The following SANBR variants were observed in gnomAD, a reference collection of about 807,000 sequenced individuals.
The protein encoded by SANBR is SANT and BTB domain regulator of CSR, also known as SANT and BTB domain regulator of class switch recombination.
In SANBR, 77 loss-of-function variants were observed where a neutral mutation model predicts 101.8. That is an observed-to-expected ratio of 0.76 (90% CI 0.63 to 0.91). The LOEUF is 0.91. SANBR is among the 40% of genes least tolerant of loss of function. SANBR has a pLI of 0.00. For missense variants in SANBR, 875 were observed against 853.0 expected, an observed-to-expected ratio of 1.03 and a Z score of -0.32; for synonymous variants, 279 against 274.7, an observed-to-expected ratio of 1.02 and a Z score of -0.15.
chr2:61,100,755 T>G (rs1683244210), intron 12 of SANBR, among the ~76,000 whole-genome samples: 1 of 152,126 alleles, frequency 6.6e-6, no homozygotes, highest in Admixed American at 6.5e-5. Context: ...TGAAATAGTA[T>G]TTTGAAAAAC....
chr2:61,092,382 C>T, intron 10 of SANBR, 82 bp from the exon 11 acceptor site: 1 of 1,109,190 alleles, frequency 9.0e-7, no homozygotes, highest in Non-Finnish European at 1.2e-6. Flanking sequence ...GAAACTCCAT[C>T]TCAAAGAAGA....
intron 16 of SANBR, among the ~76,000 whole-genome samples, chr2:61,112,985 C>A (rs746746786): frequency 6.6e-5 from 10 of 152,120 alleles, no homozygotes; most frequent in Non-Finnish European, 1.5e-4. Flanking sequence ...AGATTATGAT[C>A]CCATTCAGGT....
chr2:61,127,644 C>G (rs549762694), downstream of SANBR, among the ~76,000 whole-genome samples: 16 of 152,248 alleles, frequency 1.1e-4, no homozygotes, highest in Middle Eastern at 3.4e-3. Context: ...ATTTTTCCCA[C>G]CTTTTCCCCA....
chr2:61,078,464 C>G (rs1056464428), intron 6 of SANBR, among the ~76,000 whole-genome samples: 2 of 152,020 alleles, frequency 1.3e-5, no homozygotes, highest in Non-Finnish European at 2.9e-5. Flanking sequence ...TCTTGTCACC[C>G]AGGCTGGAGT....
At position 61,081,648 on chromosome 2, in the gene SANBR, A is replaced by G. The variant is rs1392197904; in HGVS notation, c.729+138A>G. 3.0e-6 allele frequency: 3 copies of G among 1,004,578 alleles called. No individual in the cohort carries two copies. In the African/African-American group the frequency reaches 5.1e-5, roughly 17 times the overall value. 62.2% of individuals were successfully genotyped at this position (1,004,578 alleles called of 1,614,324 possible). A position where few individuals can be genotyped will look rare whatever the true frequency, so the allele number is the denominator to read the frequency against. Reference sequence around the variant, plus strand: ...CAATTTAAAAAATTGTTAATTCAGGAATATAATTTCTTTTTCTTGAGACAG... The same window carrying G: ...CAATTTAAAAAATTGTTAATTCAGGGATATAATTTCTTTTTCTTGAGACAG... On this transcript the variant is annotated intron_variant, in intron 7 of 21. Coordinates refer to ENST00000402291, the MANE Select transcript of SANBR (RefSeq NM_001129993.3).
intron 1 of SANBR, chr2:61,066,355 C>T (rs1363655947): frequency 1.3e-5 from 2 of 152,490 alleles, no homozygotes; most frequent in Admixed American, 1.3e-4. Context: ...CGCCTTTGTC[C>T]GCTCTGCGCC....
At chr2:61,110,584 T>A (rs1683782937) in intron 16 of SANBR, among the ~76,000 whole-genome samples, 1 of 151,664 alleles carries the variant, frequency 6.6e-6, no homozygotes, top group Admixed American at 6.6e-5. Flanking sequence ...GAGGCTGAGG[T>A]GGGAGAACTG....
chr2:61,095,365 T>C (rs1042350772), intron 11 of SANBR, among the ~76,000 whole-genome samples: 4 of 152,352 alleles, frequency 2.6e-5, no homozygotes, highest in Admixed American at 6.5e-5. Flanking sequence ...GTGCACCTTA[T>C]AGTTTTTATA....
chr2:61,135,929 A>G (rs945494460), intron 21 of SANBR, among the ~76,000 whole-genome samples: 2 of 152,224 alleles, frequency 1.3e-5, no homozygotes, highest in Non-Finnish European at 2.9e-5. Context: ...ATGCTTTTGT[A>G]TATTAATAAC....
chr2:61,109,227 G>A lies in SANBR; in HGVS notation c.1675G>A (p.Glu559Lys). The change falls in exon 16 of 22, where the codon GAA becomes AAA. Residue 559 changes from glutamate to lysine, a missense_variant. By Grantham distance (56) the Glu-to-Lys change is moderately conservative. Coordinates refer to ENST00000402291, the MANE Select transcript of SANBR (RefSeq NM_001129993.3). ...KQQSLFSEEE[E>K]YTTGSEVTED... is the part of the protein sequence containing the mutation. ...ACAGTCACTGTTTTCAGAAGAAGAA[G>A]AATATACCACTGGATCTGAGGTCAC... 1 of 1,549,766 alleles carries A rather than the reference G, an allele frequency of 6.5e-7. No individual in the cohort carries two copies. Among genetic ancestry groups the A allele is most frequent in the East Asian group, 2.3e-5 (1 of 42,794 alleles).
chr2:61,084,583 G>T (rs1279476410), intron 8 of SANBR, among the ~76,000 whole-genome samples: 2 of 152,084 alleles, frequency 1.3e-5, no homozygotes, highest in Non-Finnish European at 2.9e-5. Context: ...TATTAAAACA[G>T]ACCTTAGATA....
At chr2:61,093,777 C>T (rs1309436401) in intron 11 of SANBR, among the ~76,000 whole-genome samples, 2 of 152,110 alleles carry the variant, frequency 1.3e-5, no homozygotes, top group East Asian at 1.9e-4. Context: ...TGATATGTGC[C>T]TTTGTTGTTA....
chr2:61,072,275 T>A (rs1681514753), intron 4 of SANBR, among the ~76,000 whole-genome samples: 1 of 152,034 alleles, frequency 6.6e-6, no homozygotes, highest in Non-Finnish European at 1.5e-5. Context: ...TGCTATTTTT[T>A]AAAAAAAGTT....
At chr2:61,068,149 A>G (rs991411997) in intron 1 of SANBR, among the ~76,000 whole-genome samples, 4 of 152,218 alleles carry the variant, frequency 2.6e-5, no homozygotes, top group Non-Finnish European at 4.4e-5. Context: ...AAAGAGAGAA[A>G]TAAACAGAAA....
Position 61,118,079 on chromosome 2 carries a change from G to C in SANBR, c.1991G>C (p.Gly664Ala). The C allele has an allele frequency of 1.2e-6, 2 of 1,613,784 alleles. No homozygotes were observed. Among genetic ancestry groups the C allele is most frequent in the Non-Finnish European group, 8.5e-7 (1 of 1,179,824 alleles). Residue 664 changes from glycine (G) to alanine (A), a missense_variant, in exon 20 of 22, where the codon GGG becomes GCG. By Grantham distance (60) the Gly-to-Ala change is moderately conservative. Coordinates refer to ENST00000402291, the MANE Select transcript of SANBR (RefSeq NM_001129993.3). Reference sequence around the variant, plus strand: ...GGGCACCTAATAAAAATGAGATTGGGGGATCTGGACCGAGTCAAGTCAAAG... The same window carrying C: ...GGGCACCTAATAAAAATGAGATTGGCGGATCTGGACCGAGTCAAGTCAAAG... Reference protein sequence around the residue: ...ITGHLIKMRLGDLDRVKSKEA... With the variant: ...ITGHLIKMRLADLDRVKSKEA...
intron 8 of SANBR, among the ~76,000 whole-genome samples, chr2:61,085,511 A>G (rs530394111): frequency 1.3e-5 from 2 of 150,026 alleles, no homozygotes; most frequent in East Asian, 3.9e-4. Context: ...ACACTGTTAC[A>G]CTGTCTTTTT....
chr2:61,131,928 A>T (rs1038503965), intron 20 of SANBR, among the ~76,000 whole-genome samples: 32 of 152,354 alleles, frequency 2.1e-4, no homozygotes, highest in African/African-American at 7.7e-4. Flanking sequence ...GAAAAAGAAT[A>T]GTCTTTTCTA....
At chr2:61,070,888 C>G (rs1681429409) in intron 3 of SANBR, among the ~76,000 whole-genome samples, 1 of 151,572 alleles carries the variant, frequency 6.6e-6, no homozygotes, top group Non-Finnish European at 1.5e-5. Context: ...ATCTTCCCAC[C>G]TCAGCATCTC....
At chr2:61,106,695 A>G (rs746927122) in intron 14 of SANBR, 33 bp downstream of exon 14, 2 of 1,229,022 alleles carry the variant, frequency 1.6e-6, no homozygotes, top group African/African-American at 3.1e-5. Context: ...TTCTTTATTT[A>G]CATAAATAAT....
Sources: gnomAD v4.1 joint callset for allele counts (sites outside exome capture counted in the v4.1 genomes callset) on GRCh38, gnomAD v4.1.1 for gene constraint, MANE v1.5 for transcripts, NCBI Gene and HGNC (gene_info 2026-07-23, HGNC 2026-07-21) for gene names.